LDLRAD3: variants seen among roughly 807,000 people sequenced by gnomAD.
LDLRAD3 encodes the protein low-density lipoprotein receptor class A domain-containing protein 3.
LDLRAD3 carries 20 observed loss-of-function variants against 29.4 expected under a neutral mutation model. The observed-to-expected ratio is 0.68, with a 90% CI of 0.48 to 0.99. The LOEUF is 0.99. LDLRAD3 is among the 50% of genes least tolerant of loss of function. The probability of loss-of-function intolerance (pLI) is 0.00; values close to 1 mark genes in which losing one functional copy is unlikely to be tolerated. For missense variants in LDLRAD3, 420 were observed against 454.3 expected, an observed-to-expected ratio of 0.92 and a Z score of 0.69; for synonymous variants, 157 against 192.7, an observed-to-expected ratio of 0.81 and a Z score of 1.53.
At chr11:36,031,351 G>A (rs1036947017) in intron 1 of LDLRAD3, among the ~76,000 whole-genome samples, 1 of 152,124 alleles carries the variant, frequency 6.6e-6, no homozygotes, top group African/African-American at 2.4e-5. Context: ...AGCAGACTGG[G>A]TAGTAATTTA....
chr11:36,122,698 A>G lies in LDLRAD3; in HGVS notation c.454+24237A>G, dbSNP rs11033438. ...ATAAACTTGTGAACAGATAATTCCT[A>G]TCTAACTGCTTGCTTCCTTTTCTAT... On this transcript the variant is annotated intron_variant, in intron 4 of 5. Coordinates refer to ENST00000315571, the MANE Select transcript of LDLRAD3 (RefSeq NM_174902.4). 6.8e-3 allele frequency among the ~76,000 whole-genome samples: 1,031 copies of G among 152,236 alleles called. 5 individuals are homozygous for G. Among genetic ancestry groups the G allele is most frequent in the Non-Finnish European group, 0.012 (795 of 68,028 alleles).
chr11:36,176,569 A>G (rs1404980827), intron 4 of LDLRAD3, among the ~76,000 whole-genome samples: 1 of 151,522 alleles, frequency 6.6e-6, no homozygotes, highest in Non-Finnish European at 1.5e-5. Flanking sequence ...TCCTTCATTT[A>G]TGGAGCTTAG....
rs533407873 is a variant in LDLRAD3 at position 36,083,568 on chromosome 11, G to T, written c.319+1790G>T. Among the ~76,000 whole-genome samples the T allele has an allele frequency of 1.1e-3, 167 of 152,132 alleles. 1 individual carries two copies. The highest frequency in any genetic ancestry group is 3.8e-3 in the African/African-American group (156 of 41,516). On this transcript the variant is annotated intron_variant, in intron 3 of 5. Coordinates refer to ENST00000315571, the MANE Select transcript of LDLRAD3 (RefSeq NM_174902.4). ...GAGTAATTGATTTTTTAAAATAGTG[G>T]TTTAAAACAAAACTGTAAGAGAAGA... is the stretch of plus-strand genomic sequence containing the variant.
intron 4 of LDLRAD3, among the ~76,000 whole-genome samples, chr11:36,109,449 G>C (rs1041947331): frequency 7.9e-5 from 12 of 152,198 alleles, no homozygotes; most frequent in African/African-American, 2.7e-4. Context: ...AACTGGATGA[G>C]AGTAGCAAGC....
At chr11:36,080,455 A>T (rs1351829307) in intron 2 of LDLRAD3, among the ~76,000 whole-genome samples, 1 of 152,204 alleles carries the variant, frequency 6.6e-6, no homozygotes, top group Non-Finnish European at 1.5e-5. Flanking sequence ...AGCCTCTGGC[A>T]GAGAGAGAGG....
chr11:36,179,226 C>G (rs1205379489), intron 4 of LDLRAD3, among the ~76,000 whole-genome samples: 1 of 152,200 alleles, frequency 6.6e-6, no homozygotes, highest in Non-Finnish European at 1.5e-5. Context: ...GTAATCCCAG[C>G]ACTTTGAGAG....
chr11:36,204,483 A>T, intron 4 of LDLRAD3, among the ~76,000 whole-genome samples: 1 of 135,250 alleles, frequency 7.4e-6, no homozygotes, highest in African/African-American at 2.7e-5. Flanking sequence ...ATGTCATTGG[A>T]GTTTCTCTCT....
intron 1 of LDLRAD3, chr11:35,972,558 T>C (rs1215790909): frequency 6.6e-6 from 1 of 152,172 alleles, no homozygotes; most frequent in Non-Finnish European, 1.5e-5. Context: ...CTCAGATTCT[T>C]GTGTGCTACT....
intron 4 of LDLRAD3, among the ~76,000 whole-genome samples, chr11:36,131,543 T>G (rs1853925689): frequency 6.6e-6 from 1 of 152,232 alleles, no homozygotes; most frequent in South Asian, 2.1e-4. Flanking sequence ...TTCTTAGGAA[T>G]GAAAACACTA....
intron 1 of LDLRAD3, among the ~76,000 whole-genome samples, chr11:35,954,070 G>A (rs1590679216): frequency 6.6e-6 from 1 of 152,280 alleles, no homozygotes; most frequent in East Asian, 1.9e-4. Flanking sequence ...AAACATCGGT[G>A]GATCCTATGA....
intron 2 of LDLRAD3, among the ~76,000 whole-genome samples, chr11:36,062,688 C>T (rs1047609708): frequency 1.8e-4 from 28 of 152,138 alleles, no homozygotes; most frequent in African/African-American, 6.8e-4. Context: ...CTCATGAAAT[C>T]TGATGGTTTT....
At chr11:36,175,571 G>T (rs1854663001) in intron 4 of LDLRAD3, among the ~76,000 whole-genome samples, 3 of 152,158 alleles carry the variant, frequency 2.0e-5, no homozygotes, top group Admixed American at 2.0e-4. Flanking sequence ...TTGACCCAGA[G>T]ATCATTCAGG....
At chr11:36,174,725 A>T (rs11499817) in intron 4 of LDLRAD3, among the ~76,000 whole-genome samples, 10,776 of 152,202 alleles carry the variant, frequency 0.071, 599 homozygotes, top group East Asian at 0.33. Flanking sequence ...CTCACGCCTG[A>T]AATCCCAGTA....
chr11:36,158,374 C>G (rs1854384759), intron 4 of LDLRAD3, among the ~76,000 whole-genome samples: 1 of 152,168 alleles, frequency 6.6e-6, no homozygotes, highest in East Asian at 1.9e-4. Flanking sequence ...ACTTAGAACA[C>G]CTGTCTTCCA....
intron 1 of LDLRAD3, among the ~76,000 whole-genome samples, chr11:35,952,673 A>G (rs1024398637): frequency 6.6e-6 from 1 of 152,210 alleles, no homozygotes; most frequent in Non-Finnish European, 1.5e-5. Flanking sequence ...ATTTCTTTTC[A>G]GCACTTCCCT....
chr11:36,177,434 A>T (rs571277424), intron 4 of LDLRAD3, among the ~76,000 whole-genome samples: 2 of 152,142 alleles, frequency 1.3e-5, no homozygotes, highest in South Asian at 4.2e-4. Context: ...GTTCCTTCTC[A>T]TTTGGGTAGA....
At chr11:36,050,609 G>T (rs1250368209) in intron 2 of LDLRAD3, among the ~76,000 whole-genome samples, 1 of 152,186 alleles carries the variant, frequency 6.6e-6, no homozygotes, top group African/African-American at 2.4e-5. Flanking sequence ...TGGTGACAGT[G>T]CTGGCTGCCT....
chr11:36,016,930 G>A (rs1852030249), intron 1 of LDLRAD3, among the ~76,000 whole-genome samples: 1 of 152,188 alleles, frequency 6.6e-6, no homozygotes, highest in African/African-American at 2.4e-5. Context: ...ACCTCAGAAA[G>A]TTTGTGGAAA....
rs1855315078 is a variant in LDLRAD3, at chr11:36,213,745, T to C, written c.455-13340T>C. Among the ~76,000 whole-genome samples, 1 of 152,144 alleles carries C rather than the reference T, an allele frequency of 6.6e-6. No individual in the cohort carries two copies. Among genetic ancestry groups the C allele is most frequent in the South Asian group, 2.1e-4 (1 of 4,820 alleles). ...TGGGCTCTCCAAGTGGACGAATGAA[T>C]TGTGGACCCAGCCAGACTCCCCTCC... On this transcript the variant is annotated intron_variant, in intron 4 of 5. Coordinates refer to ENST00000315571, the MANE Select transcript of LDLRAD3 (RefSeq NM_174902.4). This position sits in a 1 kb window ranked among gnomAD's most constrained non-coding sequence, Gnocchi z 4.1.
Sources: allele counts gnomAD v4.1 joint callset (sites outside exome capture counted in the v4.1 genomes callset), GRCh38; gene constraint gnomAD v4.1.1; non-coding constraint Gnocchi (gnomAD v3.1); transcripts MANE v1.5; gene names NCBI Gene and HGNC (gene_info 2026-07-23, HGNC 2026-07-21).